CD44: variants seen among roughly 807,000 people sequenced by gnomAD.
CD44 encodes the protein CD44 molecule (IN blood group).
A neutral mutation model predicts 88.8 loss-of-function variants in CD44; 49 were observed. The ratio of observed to expected loss-of-function variants is 0.55; its 90% confidence interval spans 0.44 to 0.70. The LOEUF (loss-of-function observed/expected upper bound fraction) is 0.70, where lower values mean the gene tolerates loss of function less well. Ranked by LOEUF, CD44 falls within the 30% of genes least tolerant of loss-of-function variation. The pLI is 0.00. For synonymous variants in CD44, 325 were observed against 312.3 expected (o/e 1.04, Z -0.43); for missense variants, 883 against 913.8 (o/e 0.97, Z 0.43).
At chr11:35,228,109 T>C (rs1949834830) in intron 17 of CD44, among the ~76,000 whole-genome samples, 1 of 152,196 alleles carries the variant, frequency 6.6e-6, no homozygotes, top group African/African-American at 2.4e-5. Flanking sequence ...GACTCGTATA[T>C]GTGTAGTAGT....
chr11:35,139,741 G>A (rs12365962), intron 1 of CD44: 88,454 of 507,250 alleles, frequency 0.17, 8,837 homozygotes, highest in Non-Finnish European at 0.21. Flanking sequence ...AAGCCCCACC[G>A]GGCTGTGTCT....
At chr11:35,193,769 C>A (rs1442091835) in intron 5 of CD44, among the ~76,000 whole-genome samples, 4 of 152,158 alleles carry the variant, frequency 2.6e-5, no homozygotes, top group Admixed American at 6.5e-5. Flanking sequence ...TCTGGAATTT[C>A]TCTAACTTTG....
At chr11:35,198,774 C>T (rs1017708809) in intron 7 of CD44, among the ~76,000 whole-genome samples, 2 of 151,950 alleles carry the variant, frequency 1.3e-5, no homozygotes, top group African/African-American at 2.4e-5. Context: ...GTCAGGAGAT[C>T]GAGACCATCC....
At chr11:35,179,978 C>T (rs1944833652) in intron 2 of CD44, among the ~76,000 whole-genome samples, 1 of 152,226 alleles carries the variant, frequency 6.6e-6, no homozygotes, top group South Asian at 2.1e-4. Context: ...TTCAAATAGA[C>T]TCAACACTGC....
intron 17 of CD44, chr11:35,223,175 G>T (rs1440438323): frequency 2.0e-6 from 2 of 985,244 alleles, no homozygotes; most frequent in Non-Finnish European, 2.4e-6. Context: ...AATCTAAAAG[G>T]CCGCCTATGA....
At chr11:35,158,186 A>T (rs1942152525) in intron 1 of CD44, among the ~76,000 whole-genome samples, 1 of 152,152 alleles carries the variant, frequency 6.6e-6, no homozygotes, top group African/African-American at 2.4e-5. Flanking sequence ...CAGAAATAAG[A>T]TCCTTTTCAA....
At position 35,142,315 on chromosome 11, in the gene CD44, G is replaced by T. The variant is rs557198506; in HGVS notation, c.67+2945G>T. ...TCCCATTACTGGGTATATACCCAAA[G>T]GACTACAAATCATGCTGCTATAAAG... is the stretch of plus-strand genomic sequence containing the variant. On this transcript the variant is annotated intron_variant, in intron 1 of 17. Transcript: ENST00000428726. Among the ~76,000 whole-genome samples the T allele has an allele frequency of 1.1e-4, 17 of 152,244 alleles. No individual in the cohort carries two copies. In the South Asian group the frequency reaches 1.2e-3, roughly 11 times the overall value.
intron 17 of CD44, among the ~76,000 whole-genome samples, chr11:35,223,515 C>T (rs1949471783): frequency 6.6e-6 from 1 of 152,094 alleles, no homozygotes; most frequent in African/African-American, 2.4e-5. Flanking sequence ...TGGGTATCTC[C>T]CCCATCGTCT....
chr11:35,213,292 G>C (rs978705335), intron 14 of CD44, among the ~76,000 whole-genome samples: 1 of 152,176 alleles, frequency 6.6e-6, no homozygotes, highest in African/African-American at 2.4e-5. Flanking sequence ...CCATGGATTA[G>C]ACAATTAAGT....
At chr11:35,168,431 A>C (rs1256928058) in intron 1 of CD44, among the ~76,000 whole-genome samples, 6 of 152,250 alleles carry the variant, frequency 3.9e-5, no homozygotes, top group Non-Finnish European at 7.3e-5. Context: ...CAGGATTGTT[A>C]GGAAAATTAA....
chr11:35,226,880 C>CTTTTT (rs367551052), intron 17 of CD44, among the ~76,000 whole-genome samples: 11 of 106,188 alleles, frequency 1.0e-4, no homozygotes, highest in East Asian at 2.4e-4. Flanking sequence ...TTCTTTTTTC[C>CTTTTT]TTTTTTTTTT....
At chr11:35,213,038 G>A (rs530504433) in intron 14 of CD44, among the ~76,000 whole-genome samples, 108 of 150,946 alleles carry the variant, frequency 7.2e-4, no homozygotes, top group African/African-American at 2.4e-3. Flanking sequence ...TGGCCAGGCT[G>A]GTCTCGAACT....
At chr11:35,211,122 A>G (rs1380961305) in intron 13 of CD44, 124 bp from the exon 14 acceptor site, 3 of 714,394 alleles carry the variant, frequency 4.2e-6, no homozygotes, top group East Asian at 5.2e-5. Context: ...ACTTCACTCT[A>G]TTTCTCCCTA....
rs151032994 is a variant in CD44 at position 35,167,375 on chromosome 11, G to C, written c.68-9200G>C. ...TTTCTCCTGTGTCACAAGAGAAATT[G>C]GTTAGAAGCTTCCCATTGTGCCTCC... is the stretch of plus-strand genomic sequence containing the variant. On this transcript the variant is annotated intron_variant, in intron 1 of 17. Coordinates refer to ENST00000428726, the MANE Select transcript of CD44 (RefSeq NM_000610.4). 9.2e-5 allele frequency among the ~76,000 whole-genome samples: 14 copies of C among 152,222 alleles called. No individual in the cohort carries two copies. The East Asian group carries it at 2.7e-3, about 29-fold the overall frequency.
intron 1 of CD44, among the ~76,000 whole-genome samples, chr11:35,141,254 T>C (rs919041): frequency 0.098 from 14,888 of 152,190 alleles, 948 homozygotes; most frequent in Admixed American, 0.2. Context: ...CCAGCTCCAC[T>C]GAGCTCCAAA....
intron 15 of CD44, 122 bp from the exon 16 acceptor site, chr11:35,219,194 T>G (rs1949092076): frequency 1.4e-6 from 1 of 721,606 alleles, no homozygotes; most frequent in Non-Finnish European, 2.5e-6. Flanking sequence ...ATCTGCAGCT[T>G]GAATCCATAA....
At chr11:35,172,608 CTGTT>C (rs1445303038) in intron 1 of CD44, among the ~76,000 whole-genome samples, 4 of 152,130 alleles carry the variant, frequency 2.6e-5, no homozygotes. Context: ...AACAAGTTAT[CTGTT>C]TGTAAGCTGC....
At chr11:35,179,018 A>C (rs1944733758) in intron 2 of CD44, among the ~76,000 whole-genome samples, 1 of 152,146 alleles carries the variant, frequency 6.6e-6, no homozygotes, top group South Asian at 2.1e-4. Context: ...ATATATGAAA[A>C]CTTATTACCA....
intron 11 of CD44, among the ~76,000 whole-genome samples, chr11:35,207,785 T>C (rs1287359898): frequency 1.3e-5 from 2 of 152,218 alleles, no homozygotes; most frequent in Non-Finnish European, 2.9e-5. Flanking sequence ...TGCATGTTTC[T>C]ATAAAAAAGG....
Sources: gnomAD v4.1 joint callset for allele counts (sites outside exome capture counted in the v4.1 genomes callset) on GRCh38, gnomAD v4.1.1 for gene constraint, MANE v1.5 for transcripts, NCBI Gene and HGNC (gene_info 2026-07-23, HGNC 2026-07-21) for gene names.